Variants in NXPH1 observed in about 807,000 individuals in gnomAD.
NXPH1 encodes neurexophilin 1.
NXPH1 carries 5 observed loss-of-function variants against 23.7 expected under a neutral mutation model. That is an observed-to-expected ratio of 0.21 (90% CI 0.11 to 0.44). NXPH1 has a LOEUF of 0.44. Ranked by LOEUF, NXPH1 falls within the 20% of genes least tolerant of loss-of-function variation. The probability of loss-of-function intolerance (pLI) is 0.99; values close to 1 mark genes in which losing one functional copy is unlikely to be tolerated. For missense variants in NXPH1, 324 were observed against 321.6 expected (o/e 1.01, Z -0.06); for synonymous variants, 144 against 122.2 (o/e 1.18, Z -1.18).
intron 2 of NXPH1, among the ~76,000 whole-genome samples, chr7:8,583,266 AG>A (rs765539316): frequency 6.6e-6 from 1 of 152,346 alleles, no homozygotes; most frequent in Non-Finnish European, 1.5e-5. Context: ...CATCTACTAT[AG>A]GTAGACACGC....
chr7:8,494,182 T>C (rs1018446255), intron 2 of NXPH1, among the ~76,000 whole-genome samples: 2 of 151,896 alleles, frequency 1.3e-5, no homozygotes, highest in African/African-American at 4.8e-5. Context: ...TCTTGATTTT[T>C]CATAGTAGAG....
chr7:8,450,112 A>C (rs557222382), intron 2 of NXPH1, among the ~76,000 whole-genome samples: 1 of 152,172 alleles, frequency 6.6e-6, no homozygotes, highest in Non-Finnish European at 1.5e-5. Flanking sequence ...ATGATACATA[A>C]CATCTGTATC....
chr7:8,715,834 A>G (rs1361325449), intron 2 of NXPH1, among the ~76,000 whole-genome samples: 1 of 152,184 alleles, frequency 6.6e-6, no homozygotes, highest in Non-Finnish European at 1.5e-5. Flanking sequence ...AGGTGTCCCC[A>G]AATTAAGAGC....
intron 2 of NXPH1, among the ~76,000 whole-genome samples, chr7:8,585,402 C>A (rs1332548741): frequency 6.7e-6 from 1 of 150,250 alleles, no homozygotes; most frequent in Non-Finnish European, 1.5e-5. Flanking sequence ...TGAACTCTGG[C>A]TTTACTATAA....
At chr7:8,537,525 T>C (rs1818046871) in intron 2 of NXPH1, among the ~76,000 whole-genome samples, 1 of 151,898 alleles carries the variant, frequency 6.6e-6, no homozygotes, top group African/African-American at 2.4e-5. Flanking sequence ...ACTCATTCAC[T>C]ATCATCAGAA....
intron 2 of NXPH1, among the ~76,000 whole-genome samples, chr7:8,669,455 A>G (rs1247199209): frequency 6.6e-6 from 1 of 151,704 alleles, no homozygotes; most frequent in African/African-American, 2.4e-5. Context: ...CTTGGGGGAC[A>G]GTATGAAGCC....
At chr7:8,577,204 T>C (rs1027286986) in intron 2 of NXPH1, among the ~76,000 whole-genome samples, 2 of 152,190 alleles carry the variant, frequency 1.3e-5, no homozygotes, top group African/African-American at 4.8e-5. Flanking sequence ...GCAAAAAAGA[T>C]TGACTTTGGC....
chr7:8,621,121 A>C (rs56745328), intron 2 of NXPH1, among the ~76,000 whole-genome samples: 47,703 of 152,098 alleles, frequency 0.31, 8,553 homozygotes, highest in African/African-American at 0.48. Context: ...AAAGAAAATT[A>C]AATTTAATTA....
rs187461241 is a variant in NXPH1, at chr7:8,631,528, A to G, written c.55-119480A>G. Among the ~76,000 whole-genome samples the G allele has an allele frequency of 3.1e-3, 465 of 151,446 alleles. 2 individuals carry two copies. The highest frequency in any genetic ancestry group is 0.01 in the African/African-American group (417 of 41,072). On this transcript the variant is annotated intron_variant, in intron 2 of 2. Transcript: ENST00000405863. ...AAATTTTTTGTAAACTATGCATCCA[A>G]CAAAGGTCTAATATCCAGCATCTAT...
At chr7:8,507,252 G>A (rs1817542772) in intron 2 of NXPH1, among the ~76,000 whole-genome samples, 1 of 151,674 alleles carries the variant, frequency 6.6e-6, no homozygotes, top group Non-Finnish European at 1.5e-5. Flanking sequence ...AATTGAATAG[G>A]TGGTTGTTAA....
At chr7:8,464,431 C>T (rs535955101) in intron 2 of NXPH1, among the ~76,000 whole-genome samples, 1 of 152,292 alleles carries the variant, frequency 6.6e-6, no homozygotes, top group South Asian at 2.1e-4. Flanking sequence ...ACATTCAAAG[C>T]ATCTTGCAAT....
At chr7:8,487,617 A>G (rs1186778592) in intron 2 of NXPH1, among the ~76,000 whole-genome samples, 1 of 152,144 alleles carries the variant, frequency 6.6e-6, no homozygotes, top group Non-Finnish European at 1.5e-5. Flanking sequence ...ATGCATTGGT[A>G]CTGTATCTCT....
chr7:8,688,739 A>C (rs1446001903), intron 2 of NXPH1, among the ~76,000 whole-genome samples: 1 of 152,172 alleles, frequency 6.6e-6, no homozygotes, highest in East Asian at 1.9e-4. Context: ...TTATCTCATC[A>C]TCTCCTAGTC....
chr7:8,493,726 A>G (rs944205005), intron 2 of NXPH1, among the ~76,000 whole-genome samples: 4 of 152,056 alleles, frequency 2.6e-5, no homozygotes, highest in African/African-American at 4.8e-5. Flanking sequence ...TGTATTGTCA[A>G]GAAAATGTTC....
chr7:8,734,296 G>A (rs1382262613), intron 2 of NXPH1, among the ~76,000 whole-genome samples: 1 of 152,188 alleles, frequency 6.6e-6, no homozygotes. Flanking sequence ...ATAGCTTGAA[G>A]TCAGGTAGCG....
chr7:8,715,543 A>G (rs1349432466), intron 2 of NXPH1, among the ~76,000 whole-genome samples: 1 of 152,086 alleles, frequency 6.6e-6, no homozygotes, highest in African/African-American at 2.4e-5. Flanking sequence ...TGGCTCTTGA[A>G]TTTTTCAGCC....
At chr7:8,510,409 G>T (rs1817592892) in intron 2 of NXPH1, among the ~76,000 whole-genome samples, 1 of 151,908 alleles carries the variant, frequency 6.6e-6, no homozygotes, top group Non-Finnish European at 1.5e-5. Flanking sequence ...ACAAAGTTGA[G>T]GCATAGGGAG....
intron 2 of NXPH1, among the ~76,000 whole-genome samples, chr7:8,642,703 T>A (rs1820337104): frequency 6.6e-6 from 1 of 152,170 alleles, no homozygotes; most frequent in Admixed American, 6.5e-5. Context: ...CATATTTTCA[T>A]ATTCCTTATT....
intron 2 of NXPH1, among the ~76,000 whole-genome samples, chr7:8,473,057 A>T (rs921031744): frequency 6.6e-6 from 1 of 152,138 alleles, no homozygotes; most frequent in Non-Finnish European, 1.5e-5. Context: ...ACAGACCAAG[A>T]TCTGCACCCA....
Sources: allele counts gnomAD v4.1 joint callset (sites outside exome capture counted in the v4.1 genomes callset), GRCh38; gene constraint gnomAD v4.1.1; transcripts MANE v1.5; gene names NCBI Gene and HGNC (gene_info 2026-07-23, HGNC 2026-07-21).